CDH13: variants seen among roughly 807,000 people sequenced by gnomAD.
CDH13 encodes cadherin-13.
In CDH13, 24 loss-of-function variants were observed where a neutral mutation model predicts 63.8. The observed-to-expected ratio is 0.38, with a 90% CI of 0.27 to 0.53. The LOEUF (loss-of-function observed/expected upper bound fraction) is 0.53. Ranked by LOEUF, CDH13 falls within the 20% of genes least tolerant of loss-of-function variation. The pLI is 0.85. For synonymous variants in CDH13, 503 were observed against 355.3 expected, an observed-to-expected ratio of 1.42 and a Z score of -4.67; for missense variants, 1,049 against 903.1, an observed-to-expected ratio of 1.16 and a Z score of -2.07.
intron 6 of CDH13, among the ~76,000 whole-genome samples, chr16:83,390,729 G>A (rs541340856): frequency 6.6e-6 from 1 of 152,144 alleles, no homozygotes; most frequent in East Asian, 1.9e-4. Flanking sequence ...ACGGTGCTCA[G>A]TTCAACCTTA....
chr16:83,034,731 G>C (rs919729350), intron 3 of CDH13, among the ~76,000 whole-genome samples: 1 of 152,146 alleles, frequency 6.6e-6, no homozygotes, highest in African/African-American at 2.4e-5. Flanking sequence ...GAGAGCAGAA[G>C]ATCTTCTGGG....
chr16:83,475,945 A>G (rs545472554), intron 6 of CDH13, among the ~76,000 whole-genome samples: 1 of 152,166 alleles, frequency 6.6e-6, no homozygotes, highest in Non-Finnish European at 1.5e-5. Flanking sequence ...GATATAAATG[A>G]TAGCGACAAT....
At chr16:82,938,626 C>T (rs2042740516) in intron 2 of CDH13, among the ~76,000 whole-genome samples, 1 of 152,074 alleles carries the variant, frequency 6.6e-6, no homozygotes, top group Non-Finnish European at 1.5e-5. Flanking sequence ...TTGTGTGTGT[C>T]TTAATTGCAG....
At chr16:83,511,159 C>G (rs2074554519) in intron 7 of CDH13, among the ~76,000 whole-genome samples, 1 of 152,160 alleles carries the variant, frequency 6.6e-6, no homozygotes, top group Non-Finnish European at 1.5e-5. Flanking sequence ...CACACACGCT[C>G]ACACACACAG....
intron 6 of CDH13, among the ~76,000 whole-genome samples, chr16:83,428,641 G>C (rs552290043): frequency 3.3e-5 from 5 of 152,168 alleles, no homozygotes; most frequent in Admixed American, 2.6e-4. Flanking sequence ...GATGCTGAAT[G>C]AATGAGAAAT....
At chr16:82,765,409 A>C (rs1330914500) in intron 1 of CDH13, among the ~76,000 whole-genome samples, 1 of 152,180 alleles carries the variant, frequency 6.6e-6, no homozygotes, top group Non-Finnish European at 1.5e-5. Flanking sequence ...TAAAAGTCTT[A>C]AATGGAAATT....
intron 4 of CDH13, among the ~76,000 whole-genome samples, chr16:83,189,241 C>T (rs1243293604): frequency 6.6e-6 from 1 of 152,180 alleles, no homozygotes; most frequent in East Asian, 1.9e-4. Context: ...TTTCCATCAT[C>T]CCAGACCCTC....
intron 2 of CDH13, among the ~76,000 whole-genome samples, chr16:82,933,643 G>T (rs1375278009): frequency 3.3e-5 from 5 of 152,132 alleles, no homozygotes. Context: ...GACAAGGCAA[G>T]TCCCTTCCAC....
chr16:83,414,315 G>A (rs1027081069), intron 6 of CDH13, among the ~76,000 whole-genome samples: 18 of 152,168 alleles, frequency 1.2e-4, no homozygotes, highest in African/African-American at 3.6e-4. Context: ...TTTAAAATGT[G>A]CAATTTAATC....
chr16:83,150,199 C>G (rs771570074), intron 4 of CDH13, among the ~76,000 whole-genome samples: 4 of 152,130 alleles, frequency 2.6e-5, no homozygotes, highest in Non-Finnish European at 5.9e-5. Flanking sequence ...TGCTTGCTCC[C>G]CTCCAATCCA....
At chr16:82,860,130 A>AT (rs1052384128) in intron 2 of CDH13, among the ~76,000 whole-genome samples, 1 of 151,480 alleles carries the variant, frequency 6.6e-6, no homozygotes, top group Non-Finnish European at 1.5e-5. Context: ...TCTTCCTTTT[A>AT]TTTTTTTTCC....
At chr16:83,188,925 G>A (rs1203747221) in intron 4 of CDH13, among the ~76,000 whole-genome samples, 2 of 152,120 alleles carry the variant, frequency 1.3e-5, no homozygotes, top group African/African-American at 4.8e-5. Flanking sequence ...GGCACGCTTG[G>A]AGTGAGACCC....
intron 10 of CDH13, among the ~76,000 whole-genome samples, chr16:83,714,391 A>C (rs1372769898): frequency 6.6e-6 from 1 of 152,198 alleles, no homozygotes; most frequent in Non-Finnish European, 1.5e-5. Flanking sequence ...AACACTGTGA[A>C]GCATACTTCT....
intron 10 of CDH13, among the ~76,000 whole-genome samples, chr16:83,702,705 G>C (rs972000404): frequency 6.6e-6 from 1 of 152,186 alleles, no homozygotes; most frequent in Non-Finnish European, 1.5e-5. Flanking sequence ...CTCTTATCCA[G>C]TGTTAGCTCC....
rs569336467 is a variant in CDH13 at position 83,084,642 on chromosome 16, A to G, written c.367-40743A>G. On this transcript the variant is annotated intron_variant, in intron 3 of 13. Coordinates refer to ENST00000567109, the MANE Select transcript of CDH13 (RefSeq NM_001257.5). ...AGTGGCTCATGCCTGTAATCCCAACACATCCGGAGGCTGAGGTGGGTGGAT... is the reference window on the plus strand; with the variant it reads ...AGTGGCTCATGCCTGTAATCCCAACGCATCCGGAGGCTGAGGTGGGTGGAT... 1.2e-4 allele frequency among the ~76,000 whole-genome samples: 18 copies of G among 152,286 alleles called. No individual in the cohort carries two copies. In the East Asian group the frequency reaches 3.5e-3, roughly 29 times the overall value.
intron 7 of CDH13, among the ~76,000 whole-genome samples, chr16:83,602,082 CAAAAAAAAAAAAAAAGAACAACAACAAA>C (rs1907856086): frequency 3.1e-5 from 1 of 32,294 alleles, no homozygotes; most frequent in Non-Finnish European, 4.8e-5. Context: ...GACTCTGTCT[CAAAAAAAAAAAAAAAGAACAACAACAAA>C]AAAAAAAAAA....
At chr16:83,137,070 G>T (rs1337050248) in intron 4 of CDH13, among the ~76,000 whole-genome samples, 2 of 152,236 alleles carry the variant, frequency 1.3e-5, no homozygotes, top group Non-Finnish European at 2.9e-5. Flanking sequence ...GGGTCAGGGG[G>T]CACATGGGTC....
intron 4 of CDH13, among the ~76,000 whole-genome samples, chr16:83,199,192 GT>G (rs2038957658): frequency 6.6e-6 from 1 of 152,234 alleles, no homozygotes; most frequent in Non-Finnish European, 1.5e-5. Flanking sequence ...GACGTGCCTT[GT>G]GACAGTTAGC....
chr16:82,882,799 A>G (rs570950007), intron 2 of CDH13, among the ~76,000 whole-genome samples: 9 of 152,134 alleles, frequency 5.9e-5, no homozygotes, highest in Non-Finnish European at 1.0e-4. Context: ...TTACCAAGCC[A>G]TTTGGTTTTT....
Sources: gnomAD v4.1 joint callset for allele counts (sites outside exome capture counted in the v4.1 genomes callset) on GRCh38, gnomAD v4.1.1 for gene constraint, MANE v1.5 for transcripts, NCBI Gene and HGNC (gene_info 2026-07-23, HGNC 2026-07-21) for gene names.